CENPP: variants seen among roughly 807,000 people sequenced by gnomAD.
CENPP encodes the protein centromere protein P.
Under a neutral mutation model 35.6 loss-of-function variants are expected in CENPP, and 24 were observed. That is an observed-to-expected ratio of 0.67 (90% confidence interval 0.49 to 0.95). The LOEUF (loss-of-function observed/expected upper bound fraction) is 0.95, where lower values mean the gene tolerates loss of function less well. CENPP is among the 40% of genes least tolerant of loss of function. CENPP has a pLI of 0.00. For synonymous variants in CENPP, 120 were observed against 125.5 expected (o/e 0.96, Z 0.29); for missense variants, 332 against 345.3 (o/e 0.96, Z 0.31).
chr9:92,558,880 C>T (rs1849783893), intron 5 of CENPP, among the ~76,000 whole-genome samples: 1 of 152,048 alleles, frequency 6.6e-6, no homozygotes, highest in Admixed American at 6.6e-5. Context: ...ATGGCTTCCT[C>T]TGCTGAGTCA....
Position 92,404,211 on chromosome 9 carries a change from CAG to C in CENPP, c.564+24354_564+24355del, listed in dbSNP as rs370900417. Among the ~76,000 whole-genome samples the C allele has an allele frequency of 2.1e-3, 317 of 152,208 alleles. 5 individuals carry two copies. Among genetic ancestry groups the C allele is most frequent in the African/African-American group, 7.2e-3 (297 of 41,534 alleles). ...AGACTTTTTCTTAAGTAACTTCAAA[CAG>C]AATCACTCAAGAGTTGCTGATGCTG... On this transcript the variant is annotated intron_variant, in intron 5 of 7. Coordinates refer to ENST00000375587, the MANE Select transcript of CENPP (RefSeq NM_001012267.3).
At chr9:92,471,431 G>A (rs1390560115) in intron 5 of CENPP, among the ~76,000 whole-genome samples, 1 of 151,798 alleles carries the variant, frequency 6.6e-6, no homozygotes, top group Non-Finnish European at 1.5e-5. Context: ...TCCTGACCTC[G>A]TGATTCGCCT....
chr9:92,336,332 A>C (rs1052483776), intron 2 of CENPP, among the ~76,000 whole-genome samples: 1 of 152,200 alleles, frequency 6.6e-6, no homozygotes, highest in Admixed American at 6.5e-5. Context: ...ATCTTTAACC[A>C]GTCTTCCTAT....
At chr9:92,576,257 C>A (rs1850279959) in intron 5 of CENPP, among the ~76,000 whole-genome samples, 1 of 152,126 alleles carries the variant, frequency 6.6e-6, no homozygotes, top group African/African-American at 2.4e-5. Context: ...CACAAAAAGA[C>A]AAATACTGTA....
chr9:92,599,798 AG>A (rs914432180), intron 5 of CENPP, among the ~76,000 whole-genome samples: 8 of 152,068 alleles, frequency 5.3e-5, no homozygotes, highest in African/African-American at 1.9e-4. Context: ...AGTATGGTGT[AG>A]CTCCCACTAG....
At chr9:92,520,746 G>T (rs1848015401) in intron 5 of CENPP, among the ~76,000 whole-genome samples, 1 of 152,052 alleles carries the variant, frequency 6.6e-6, no homozygotes, top group Admixed American at 6.5e-5. Context: ...AAACAAATAT[G>T]GTATAGCCAT....
intron 1 of CENPP, among the ~76,000 whole-genome samples, chr9:92,330,763 A>ACTGCAACCTCTGCCTCC (rs1840720651): frequency 7.0e-6 from 1 of 142,448 alleles, no homozygotes; most frequent in African/African-American, 2.7e-5. Context: ...ATCTTGGCTC[A>ACTGCAACCTCTGCCTCC]CTGCAACCTC....
chr9:92,438,187 T>C (rs1203828215), intron 5 of CENPP, among the ~76,000 whole-genome samples: 1 of 152,214 alleles, frequency 6.6e-6, no homozygotes, highest in Non-Finnish European at 1.5e-5. Flanking sequence ...TCTTAAATAT[T>C]TTTTCCTGTT....
chr9:92,608,453 C>T lies in CENPP; in HGVS notation c.565-2861C>T, dbSNP rs542040153. Reference sequence around the variant, plus strand: ...CTTGCCAATTTGGTCATCTTTTATCCACGTCAAATACAGTCATTTATAAAA... The same window carrying T: ...CTTGCCAATTTGGTCATCTTTTATCTACGTCAAATACAGTCATTTATAAAA... On this transcript the variant is annotated intron_variant, in intron 5 of 7. Coordinates refer to ENST00000375587, the MANE Select transcript of CENPP (RefSeq NM_001012267.3). Among the ~76,000 whole-genome samples, 18 of 152,224 alleles carry T rather than the reference C, an allele frequency of 1.2e-4. No homozygotes were observed. The East Asian group carries it at 3.3e-3, about 28-fold the overall frequency.
chr9:92,397,063 G>A (rs1296976706), intron 5 of CENPP, among the ~76,000 whole-genome samples: 1 of 151,720 alleles, frequency 6.6e-6, no homozygotes, highest in Non-Finnish European at 1.5e-5. Flanking sequence ...TGTAGTCCCA[G>A]CTACTTGGGA....
chr9:92,422,605 C>A (rs189384083), intron 5 of CENPP, among the ~76,000 whole-genome samples: 11 of 152,162 alleles, frequency 7.2e-5, no homozygotes, highest in African/African-American at 2.7e-4. Context: ...TCTTCTAAAC[C>A]TGAACTTATC....
At chr9:92,522,065 GTTGTTTTGTT>G (rs538087449) in intron 5 of CENPP, among the ~76,000 whole-genome samples, 190 of 152,008 alleles carry the variant, frequency 1.2e-3, no homozygotes, top group East Asian at 9.1e-3. Context: ...TTTTTTGGGG[GTTGTTTTGTT>G]TTGTTTTGTT....
rs1312795491 is a variant in CENPP, at chr9:92,364,708, G to A, written c.468-15055G>A. ...ATATTATGTACTTTGCATTGTATTA[G>A]TCTCTAAGAATACAATGATGAACAA... is the stretch of plus-strand genomic sequence containing the variant. On this transcript the variant is annotated intron_variant, in intron 4 of 7. Transcript: ENST00000375587. Among the ~76,000 whole-genome samples the A allele has an allele frequency of 3.9e-5, 6 of 152,278 alleles. No individual in the cohort carries two copies. In the East Asian group the frequency reaches 1.2e-3, roughly 29 times the overall value.
intron 5 of CENPP, among the ~76,000 whole-genome samples, chr9:92,450,932 T>C (rs1844689996): frequency 6.6e-6 from 1 of 152,202 alleles, no homozygotes; most frequent in Admixed American, 6.5e-5. Context: ...CGCCCACTTT[T>C]TGATGGGGTT....
intron 5 of CENPP, among the ~76,000 whole-genome samples, chr9:92,551,145 G>A (rs867522018): frequency 2.0e-5 from 3 of 152,136 alleles, no homozygotes; most frequent in Admixed American, 6.5e-5. Flanking sequence ...GTGGCCAAGC[G>A]GAGCCCATGT....
chr9:92,578,225 G>C (rs1409272774), intron 5 of CENPP, among the ~76,000 whole-genome samples: 1 of 151,982 alleles, frequency 6.6e-6, no homozygotes, highest in African/African-American at 2.4e-5. Context: ...TTGGTTCCAA[G>C]TCTTTGCTAT....
intron 4 of CENPP, among the ~76,000 whole-genome samples, chr9:92,361,101 A>G (rs1564278083): frequency 6.6e-6 from 1 of 151,636 alleles, no homozygotes; most frequent in Non-Finnish European, 1.5e-5. Flanking sequence ...TCCCATAAAT[A>G]CTTAAGTGTG....
chr9:92,524,482 C>T (rs1848269304), intron 5 of CENPP, among the ~76,000 whole-genome samples: 2 of 152,220 alleles, frequency 1.3e-5, no homozygotes, highest in Admixed American at 1.3e-4. Context: ...AGGATTCACT[C>T]AGCCAATCTC....
intron 5 of CENPP, among the ~76,000 whole-genome samples, chr9:92,546,955 A>C (rs542022200): frequency 2.6e-5 from 4 of 152,166 alleles, no homozygotes; most frequent in Non-Finnish European, 5.9e-5. Flanking sequence ...CAGCATAACT[A>C]TATTACAAAC....
Sources: gnomAD v4.1 joint callset for allele counts (sites outside exome capture counted in the v4.1 genomes callset) on GRCh38, gnomAD v4.1.1 for gene constraint, MANE v1.5 for transcripts, NCBI Gene and HGNC (gene_info 2026-07-23, HGNC 2026-07-21) for gene names.